Variants in TENT4B observed in about 807,000 individuals in gnomAD.
The protein encoded by TENT4B is terminal nucleotidyltransferase 4B.
A neutral mutation model predicts 75.0 loss-of-function variants in TENT4B; 10 were observed. The ratio of observed to expected loss-of-function variants is 0.13; its 90% CI spans 0.08 to 0.23. The LOEUF is 0.23. TENT4B is among the 10% of genes least tolerant of loss of function. The pLI is 1.00. For synonymous variants in TENT4B, 350 were observed against 357.7 expected (o/e 0.98, Z 0.24); for missense variants, 579 against 893.8 (o/e 0.65, Z 4.49).
At chr16:50,189,775 G>GT (rs2038603626) in intron 1 of TENT4B, among the ~76,000 whole-genome samples, 1 of 151,878 alleles carries the variant, frequency 6.6e-6, no homozygotes, top group African/African-American at 2.4e-5. Flanking sequence ...TTTTGGCTGG[G>GT]TGTGGTAGCT....
rs149481127 is a variant in TENT4B, at chr16:50,204,963, G to A, written c.639-6360G>A. On this transcript the variant is annotated intron_variant, in intron 1 of 11. Transcript: ENST00000561678. Reference sequence around the variant, plus strand: ...GTATTGCCCACAGGCTGACCACTGAGCTCCTTCCACAGCCGGCCCATATCA... The same window carrying A: ...GTATTGCCCACAGGCTGACCACTGAACTCCTTCCACAGCCGGCCCATATCA... 6.6e-5 allele frequency among the ~76,000 whole-genome samples: 10 copies of A among 152,278 alleles called. No homozygotes were observed. In the East Asian group the frequency reaches 1.9e-3, roughly 29 times the overall value.
rs367696405 is a variant in TENT4B at position 50,170,285 on chromosome 16, CT to C, written c.638+16027del. Among the ~76,000 whole-genome samples, 92 of 152,212 alleles carry C rather than the reference CT, an allele frequency of 6.0e-4. No homozygotes were observed. The East Asian group carries it at 0.016, about 26-fold the overall frequency. On this transcript the variant is annotated intron_variant, in intron 1 of 11. Transcript: ENST00000561678. Reference sequence around the variant, plus strand: ...CTGCCTGCCTCGGTCTCCCAAAGTGCTGGGATTACAGGCGTGAGCCACCACA... The same window carrying C: ...CTGCCTGCCTCGGTCTCCCAAAGTGCGGGATTACAGGCGTGAGCCACCACA...
rs114192319 is a variant in TENT4B, at chr16:50,216,448, T to C, written c.930+253T>C. Among the ~76,000 whole-genome samples the C allele has an allele frequency of 7.6e-3, 1,151 of 152,280 alleles. 17 individuals carry two copies. The highest frequency in any genetic ancestry group is 0.027 in the African/African-American group (1,102 of 41,554). The stretch of plus-strand genomic sequence containing the variant: ...ACCTCAGCCTCTTGGGGAGCTGTAC[T>C]ACAAACACAACCTGCCATGCCTGGC... On this transcript the variant is annotated intron_variant, in intron 4 of 11. Transcript: ENST00000561678.
intron 3 of TENT4B, 145 bp from the exon 4 acceptor site, chr16:50,215,930 A>G: frequency 1.1e-6 from 1 of 930,984 alleles, no homozygotes; most frequent in South Asian, 2.0e-5. Context: ...TCTCCACAAA[A>G]CCATTATCAC....
At chr16:50,157,588 A>G (rs1225533162) in intron 1 of TENT4B, among the ~76,000 whole-genome samples, 1 of 152,052 alleles carries the variant, frequency 6.6e-6, no homozygotes, top group East Asian at 1.9e-4. Flanking sequence ...GTGTTTTATT[A>G]TTTTTAAATT....
intron 5 of TENT4B, among the ~76,000 whole-genome samples, chr16:50,218,316 G>A (rs2031665930): frequency 6.6e-6 from 1 of 151,708 alleles, no homozygotes; most frequent in African/African-American, 2.4e-5. Context: ...CAAGAATACT[G>A]TGCGGGCAGT....
chr16:50,159,824 A>G (rs1410702407), intron 1 of TENT4B, among the ~76,000 whole-genome samples: 1 of 151,632 alleles, frequency 6.6e-6, no homozygotes, highest in Non-Finnish European at 1.5e-5. Flanking sequence ...TAACAATATA[A>G]TTCATATTTA....
intron 1 of TENT4B, among the ~76,000 whole-genome samples, chr16:50,177,335 AT>A (rs1291943091): frequency 1.3e-5 from 2 of 152,282 alleles, no homozygotes; most frequent in East Asian, 3.9e-4. Context: ...GTTTGGTAGA[AT>A]TCACCAGTGA....
At chr16:50,211,717 G>A (rs1244518456) in intron 2 of TENT4B, among the ~76,000 whole-genome samples, 2 of 152,014 alleles carry the variant, frequency 1.3e-5, no homozygotes, top group East Asian at 3.9e-4. Flanking sequence ...GAAATTATTA[G>A]TGTAAAGAGA....
At chr16:50,208,273 G>C (rs1277849147) in intron 1 of TENT4B, among the ~76,000 whole-genome samples, 1 of 152,188 alleles carries the variant, frequency 6.6e-6, no homozygotes, top group East Asian at 1.9e-4. Flanking sequence ...ATGGGCTATT[G>C]ATTGTTGAGG....
At chr16:50,193,781 G>A (rs181201000) in intron 1 of TENT4B, among the ~76,000 whole-genome samples, 358 of 152,282 alleles carry the variant, frequency 2.4e-3, no homozygotes, top group Non-Finnish European at 3.8e-3. Flanking sequence ...AGGAGGGCTG[G>A]TGGCTGCCAT....
At position 50,214,205 on chromosome 16, in the gene TENT4B, TC is replaced by T. The variant is rs1353401940; in HGVS notation, c.763-15del. On this transcript the variant is annotated splice_polypyrimidine_tract_variant and intron_variant, in intron 2 of 11. Transcript: ENST00000561678. ...CTGATAACTCAATATAATAACAACT[TC>T]TTTTTCTGTTTCAGGTCCAGATATT... 5.1e-6 allele frequency: 8 copies of T among 1,553,858 alleles called. No individual in the cohort carries two copies. The highest frequency in any genetic ancestry group is 7.1e-6 in the Non-Finnish European group (8 of 1,132,328).
chr16:50,202,722 TAAAGCAA>T (rs910274203), intron 1 of TENT4B, among the ~76,000 whole-genome samples: 1 of 152,206 alleles, frequency 6.6e-6, no homozygotes, highest in African/African-American at 2.4e-5. Flanking sequence ...CCAAATTAGA[TAAAGCAA>T]CTCTTGGGTA....
intron 1 of TENT4B, among the ~76,000 whole-genome samples, chr16:50,185,087 G>A (rs1047213839): frequency 3.9e-5 from 6 of 152,144 alleles, no homozygotes; most frequent in African/African-American, 1.4e-4. Context: ...TACTCTTTGG[G>A]TAGTCTTGGT....
At position 50,232,378 on chromosome 16, in the gene TENT4B, C is replaced by A. The variant is rs1340712904; in HGVS notation, c.*3050C>A. 1.0e-6 allele frequency: 1 copy of A among 985,356 alleles called. No homozygotes were observed. Among genetic ancestry groups the A allele is most frequent in the Admixed American group, 6.1e-5 (1 of 16,274 alleles). 61.0% of individuals were successfully genotyped at this position (985,356 alleles called of 1,614,324 possible). ...TTTGAGTGTACTTTACCTTTACTTG[C>A]ATTTTGAGCCTCATTAATATTTAGG... On this transcript the variant is annotated 3_prime_UTR_variant, in exon 12 of 12. Coordinates refer to ENST00000561678, the MANE Select transcript of TENT4B (RefSeq NM_001365324.3).
chr16:50,222,539 C>T, intron 6 of TENT4B, 105 bp downstream of exon 6: 5 of 1,218,080 alleles, frequency 4.1e-6, no homozygotes, highest in Non-Finnish European at 5.7e-6. Flanking sequence ...AATTGCATTG[C>T]TTTCCTTGAT....
chr16:50,166,442 A>T (rs1047574417), intron 1 of TENT4B, among the ~76,000 whole-genome samples: 25 of 152,254 alleles, frequency 1.6e-4, no homozygotes, highest in Admixed American at 1.5e-3. Flanking sequence ...GTATGAAGTA[A>T]GTGTGTCATT....
intron 1 of TENT4B, among the ~76,000 whole-genome samples, chr16:50,195,488 G>C (rs962166322): frequency 6.6e-6 from 1 of 152,182 alleles, no homozygotes; most frequent in Non-Finnish European, 1.5e-5. Context: ...GGAAGAGTGA[G>C]CCCATAGCAG....
At chr16:50,182,499 A>G (rs1324328809) in intron 1 of TENT4B, among the ~76,000 whole-genome samples, 1 of 152,238 alleles carries the variant, frequency 6.6e-6, no homozygotes, top group African/African-American at 2.4e-5. Context: ...TCATTGTAAA[A>G]GATCCCTTGT....
Sources: gnomAD v4.1 joint callset for allele counts (sites outside exome capture counted in the v4.1 genomes callset) on GRCh38, gnomAD v4.1.1 for gene constraint, MANE v1.5 for transcripts, NCBI Gene and HGNC (gene_info 2026-07-23, HGNC 2026-07-21) for gene names.